The following DEAF1 variants were observed in gnomAD, a reference collection of about 807,000 sequenced individuals.
The protein encoded by DEAF1 is DEAF1 transcription factor.
DEAF1 carries 53 observed loss-of-function variants against 58.9 expected under a neutral mutation model. The observed-to-expected ratio is 0.90, with a 90% CI of 0.72 to 1.13. The LOEUF is 1.13. DEAF1 is among the 50% of genes most tolerant of loss of function. The probability of loss-of-function intolerance (pLI) is 0.00; values close to 1 mark genes in which losing one functional copy is unlikely to be tolerated. For missense variants in DEAF1, 685 were observed against 791.4 expected, an observed-to-expected ratio of 0.87 and a Z score of 1.61; for synonymous variants, 385 against 340.4, an observed-to-expected ratio of 1.13 and a Z score of -1.44.
At chr11:661,397 GA>G (rs1044214808) in intron 10 of DEAF1, among the ~76,000 whole-genome samples, 2 of 151,242 alleles carry the variant, frequency 1.3e-5, no homozygotes, top group Non-Finnish European at 2.9e-5. Flanking sequence ...GGCTACATTT[GA>G]TTTTTTTTTT....
Position 694,934 on chromosome 11 carries a change from C to A in DEAF1, c.114G>T (p.Glu38Asp). Residue 38 changes from glutamate (E) to aspartate (D), a missense_variant, in exon 1 of 12, where the codon GAG (glutamate) becomes GAT (aspartate). Transcript: ENST00000382409. ...CCTCGTCCCTGCTCAGCACCGGCTC[C>A]TCCGCCTCGCCTCCTGCCGCGGCCG... ...AAAAAAGGEA[E>D]EPVLSRDEDS... is the part of the protein sequence containing the mutation. 1 of 1,351,048 alleles carries A rather than the reference C, an allele frequency of 7.4e-7. No individual in the cohort carries two copies. The highest frequency in any genetic ancestry group is 9.5e-7 in the Non-Finnish European group (1 of 1,049,308). The allele number at this position is 1,351,048 out of a possible 1,614,324, so 83.7% of individuals were successfully genotyped here.
intron 10 of DEAF1, among the ~76,000 whole-genome samples, chr11:658,878 C>T (rs1048521156): frequency 1.3e-5 from 2 of 152,184 alleles, no homozygotes; most frequent in African/African-American, 4.8e-5. Flanking sequence ...TACTCTGGTC[C>T]AGGTGGAAAA....
intron 10 of DEAF1, among the ~76,000 whole-genome samples, chr11:656,732 C>T (rs1318219386): frequency 6.6e-6 from 1 of 152,234 alleles, no homozygotes; most frequent in Non-Finnish European, 1.5e-5. Context: ...TGTACTTGCC[C>T]CCCAGCATAG....
At chr11:694,545 CGTGGGGCAGGTGTGCAGGGCGG>C (rs1564955942) in intron 1 of DEAF1, 192 bp downstream of exon 1, 12 of 240,852 alleles carry the variant, frequency 5.0e-5, no homozygotes, top group Middle Eastern at 9.3e-4. Context: ...GAGCTAGTCA[CGTGGGGCAGGTGTGCAGGGCGG>C]GTGGGGCGGG....
chr11:663,465 T>C (rs1034006007), intron 10 of DEAF1, among the ~76,000 whole-genome samples: 21 of 152,184 alleles, frequency 1.4e-4, no homozygotes, highest in African/African-American at 5.1e-4. Context: ...AAAGACTGCC[T>C]CTGGAGTCAA....
At chr11:686,351 T>G (rs1284390976) in intron 5 of DEAF1, among the ~76,000 whole-genome samples, 1 of 150,548 alleles carries the variant, frequency 6.6e-6, no homozygotes, top group Non-Finnish European at 1.5e-5. Context: ...CTTTTCACAA[T>G]GCCATTATTG....
At chr11:691,081 G>A (rs1860812770) in intron 2 of DEAF1, among the ~76,000 whole-genome samples, 1 of 152,250 alleles carries the variant, frequency 6.6e-6, no homozygotes, top group Admixed American at 6.5e-5. Context: ...AGTCAGGCGT[G>A]GGAGACTGCA....
chr11:662,008 C>T (rs889980735), intron 10 of DEAF1, among the ~76,000 whole-genome samples: 1 of 152,056 alleles, frequency 6.6e-6, no homozygotes, highest in African/African-American at 2.4e-5. Context: ...TTTCTTAAAA[C>T]ATTATGGGCC....
chr11:703,330 C>T (rs2133478248), intron 1 of DEAF1: 1 of 1,405,028 alleles, frequency 7.1e-7, no homozygotes, highest in South Asian at 1.8e-5. Context: ...GCAGAACAAA[C>T]TGCTGGAGGC....
At chr11:675,756 G>A (rs1418312191) in intron 9 of DEAF1, among the ~76,000 whole-genome samples, 1 of 152,140 alleles carries the variant, frequency 6.6e-6, no homozygotes, top group African/African-American at 2.4e-5. Context: ...GGAGGCAGAA[G>A]TTGTGGTGAG....
intron 11 of DEAF1, among the ~76,000 whole-genome samples, chr11:648,711 C>G (rs561212284): frequency 6.6e-6 from 1 of 152,294 alleles, no homozygotes; most frequent in East Asian, 1.9e-4. Flanking sequence ...TGAGGAAATT[C>G]TATCCTCCTA....
At chr11:677,723 G>C (rs28496302) in intron 9 of DEAF1, among the ~76,000 whole-genome samples, 1 of 90,562 alleles carries the variant, frequency 1.1e-5, no homozygotes, top group Non-Finnish European at 2.6e-5. Context: ...GGGAGGCCAA[G>C]GCAGGTGGAT....
chr11:703,596 G>T (rs1319213023), intron 1 of DEAF1: 8 of 1,232,888 alleles, frequency 6.5e-6, no homozygotes, highest in Non-Finnish European at 6.1e-6. Flanking sequence ...AGTTTACTCC[G>T]TGGCCAGGCC....
chr11:697,761 G>GCGATGCGGCGTGGCCTGCCGGT (rs1861266896), upstream of DEAF1: 2 of 152,112 alleles, frequency 1.3e-5, no homozygotes, highest in African/African-American at 4.8e-5. Flanking sequence ...GGCCTGCCGG[G>GCGATGCGGCGTGGCCTGCCGGT]AACGCGATGC....
In DEAF1 at chr11:654,163, C is replaced by T. The variant is rs1454391111; in HGVS notation, c.1504-112G>A. 1,085 of 515,360 alleles carry T rather than the reference C, an allele frequency of 2.1e-3. 65 individuals are homozygous for T. In the African/African-American group the frequency reaches 0.048, roughly 23 times the overall value. 31.9% of individuals were successfully genotyped at this position (515,360 alleles called of 1,614,324 possible). A position where few individuals can be genotyped will look rare whatever the true frequency, so the allele number is the denominator to read the frequency against. ...GGCCCCAAGTTCCCCCCATTGGACCCCCTTTTTTTTTTTTTTTTTTTTTGA... is the reference window on the plus strand; with the variant it reads ...GGCCCCAAGTTCCCCCCATTGGACCTCCTTTTTTTTTTTTTTTTTTTTTGA... On this transcript the variant is annotated intron_variant, in intron 10 of 11. Transcript: ENST00000382409.
chr11:655,795 A>C (rs1859021828), intron 10 of DEAF1, among the ~76,000 whole-genome samples: 1 of 152,142 alleles, frequency 6.6e-6, no homozygotes, highest in South Asian at 2.1e-4. Flanking sequence ...TTTTGGTGCT[A>C]ATTTAGGTTG....
At chr11:648,218 G>A (rs1239450702) in intron 11 of DEAF1, among the ~76,000 whole-genome samples, 17 of 134,714 alleles carry the variant, frequency 1.3e-4, no homozygotes, top group African/African-American at 4.0e-4. Context: ...TTTTTGAGAC[G>A]GAGTCTCCCT....
intron 10 of DEAF1, among the ~76,000 whole-genome samples, chr11:658,007 C>A (rs1859140552): frequency 6.6e-6 from 1 of 152,226 alleles, no homozygotes; most frequent in African/African-American, 2.4e-5. Context: ...TCAGCTACAA[C>A]AGCCATGCCC....
chr11:683,575 CTTTT>C (rs899295997), intron 6 of DEAF1, among the ~76,000 whole-genome samples: 5 of 152,232 alleles, frequency 3.3e-5, no homozygotes, highest in South Asian at 4.1e-4. Flanking sequence ...ACTGTTTTGG[CTTTT>C]TTGTTTCAAA....
Sources: gnomAD v4.1 joint callset for allele counts (sites outside exome capture counted in the v4.1 genomes callset) on GRCh38, gnomAD v4.1.1 for gene constraint, MANE v1.5 for transcripts, NCBI Gene and HGNC (gene_info 2026-07-23, HGNC 2026-07-21) for gene names.